STX16: variants seen among roughly 807,000 people sequenced by gnomAD.
STX16 encodes syntaxin 16, also known as syntaxin-16.
Under a neutral mutation model 42.7 loss-of-function variants are expected in STX16, and 28 were observed. That is an observed-to-expected ratio of 0.66 (90% CI 0.49 to 0.90). The LOEUF is 0.90. Among genes scored for constraint, STX16 ranks in the 40% least tolerant of loss-of-function variants. STX16 has a pLI of 0.00. For synonymous variants in STX16, 156 were observed against 155.2 expected (o/e 1.00, Z -0.04); for missense variants, 361 against 420.9 (o/e 0.86, Z 1.24).
At chr20:58,666,431 T>G (rs1395048782) in intron 2 of STX16, among the ~76,000 whole-genome samples, 2 of 148,422 alleles carry the variant, frequency 1.3e-5, no homozygotes, top group South Asian at 4.3e-4. Context: ...GTGTTTTTTT[T>G]TTTTTTTTTT....
At chr20:58,663,377 C>G (rs1273518244) in intron 2 of STX16, among the ~76,000 whole-genome samples, 2 of 152,178 alleles carry the variant, frequency 1.3e-5, no homozygotes, top group Non-Finnish European at 2.9e-5. Context: ...GAGAACTTGT[C>G]CATACTGGCT....
At chr20:58,673,965 G>A (rs977047529) in intron 8 of STX16, among the ~76,000 whole-genome samples, 1 of 152,224 alleles carries the variant, frequency 6.6e-6, no homozygotes, top group Middle Eastern at 3.2e-3. Flanking sequence ...TTTTGTGACA[G>A]TAAATTCTAA....
In STX16 at chr20:58,673,636, A is replaced by T. The variant is rs747079217; in HGVS notation, c.798A>T (p.Thr266=). The T allele has an allele frequency of 1.5e-5, 24 of 1,610,722 alleles. No homozygotes were observed. In the East Asian group the frequency reaches 4.9e-4, roughly 33 times the overall value. ...DLGAMIVEQG[T]VLDRIDYNVE... ...AACTGTCATTTATTACCTAGGGTAC[A>T]GTCCTTGACAGAATTGACTATAACG... Residue 266 remains threonine (T), a synonymous_variant, in exon 8 of 9, where the codon ACA becomes ACT. Transcript: ENST00000371141.
Position 58,676,286 on chromosome 20 carries a change from C to T in STX16, c.973C>T (p.Arg325Ter), listed in dbSNP as rs543224760. Residue 325 changes from arginine (R) to a stop codon, truncating the protein, a stop_gained, in exon 9 of 9, where the codon CGA becomes TGA. Transcript: ENST00000371141. LOFTEE classifies it high-confidence loss of function. ...TGTTGTCCTCGTTGGCGTGAAGTCT[C>T]GATAAGTGGCATTGGGTTTTCGTGT... ...LIVVLVGVKS[R>*] 547 of 1,613,966 alleles carry T rather than the reference C, an allele frequency of 3.4e-4. 4 individuals carry two copies. The South Asian group carries it at 5.6e-3, about 16-fold the overall frequency.
intron 1 of STX16, among the ~76,000 whole-genome samples, chr20:58,658,898 A>G (rs1169651899): frequency 6.6e-6 from 1 of 152,206 alleles, no homozygotes; most frequent in African/African-American, 2.4e-5. Context: ...TTGCTTTTAT[A>G]AGAGCCTTAT....
chr20:58,652,343 TG>T (rs771565611), intron 1 of STX16: 8 of 652,168 alleles, frequency 1.2e-5, no homozygotes, highest in South Asian at 9.0e-5. Flanking sequence ...GCTCCACCTC[TG>T]CCCGGTCTTC....
chr20:58,674,970 T>C (rs2084068728), intron 8 of STX16, among the ~76,000 whole-genome samples: 1 of 152,252 alleles, frequency 6.6e-6, no homozygotes, highest in South Asian at 2.1e-4. Context: ...GGTTCTACTT[T>C]ATAAATCATT....
rs2084184522 is a variant in STX16, at chr20:58,678,305, T to C, written c.*2014T>C. 6.6e-6 allele frequency: 1 copy of C among 152,140 alleles called. No homozygotes were observed. Among genetic ancestry groups the C allele is most frequent in the Admixed American group, 6.5e-5 (1 of 15,272 alleles). The allele number at this position is 152,140 out of a possible 1,614,324, so 9.4% of individuals were successfully genotyped here. ...TTTCACCAAATAGGGTGATGAGGGT[T>C]GGTTTTTGTTCCCTCAACCCATTTG... On this transcript the variant is annotated 3_prime_UTR_variant, in exon 9 of 9. Transcript: ENST00000371141.
intron 2 of STX16, among the ~76,000 whole-genome samples, chr20:58,663,459 G>T (rs915927114): frequency 1.3e-5 from 2 of 152,164 alleles, no homozygotes; most frequent in Non-Finnish European, 2.9e-5. Context: ...AGTGAGACTG[G>T]CAGGAAAGCC....
Position 58,676,472 on chromosome 20 carries a change from G to C in STX16, c.*181G>C, listed in dbSNP as rs1385493997. On this transcript the variant is annotated 3_prime_UTR_variant, in exon 9 of 9. Coordinates refer to ENST00000371141, the MANE Select transcript of STX16 (RefSeq NM_001001433.3). ...GTCCTGCTCAAGCGGTCCGGGGAAT[G>C]GGTTTTTGTTTTTCCTTCATTGTTG... is the stretch of plus-strand genomic sequence containing the variant. 3.4e-6 allele frequency: 2 copies of C among 581,242 alleles called. No homozygotes were observed. Among genetic ancestry groups the C allele is most frequent in the Non-Finnish European group, 6.1e-6 (2 of 325,838 alleles). The allele number at this position is 581,242 out of a possible 1,614,324, so 36.0% of individuals were successfully genotyped here.
intron 1 of STX16, among the ~76,000 whole-genome samples, chr20:58,656,965 AGT>A (rs1346231960): frequency 6.6e-6 from 1 of 152,204 alleles, no homozygotes; most frequent in Non-Finnish European, 1.5e-5. Flanking sequence ...AAACTGGCCC[AGT>A]GTCACCCACC....
chr20:58,654,226 A>G (rs1488007695), intron 1 of STX16, among the ~76,000 whole-genome samples: 1 of 152,216 alleles, frequency 6.6e-6, no homozygotes, highest in African/African-American at 2.4e-5. Flanking sequence ...CAGATCATTG[A>G]AAGCAGTCAT....
At chr20:58,655,922 T>C (rs903810299) in intron 1 of STX16, among the ~76,000 whole-genome samples, 1 of 152,332 alleles carries the variant, frequency 6.6e-6, no homozygotes, top group African/African-American at 2.4e-5. Flanking sequence ...AACAGACAGG[T>C]TTGACTTTAT....
intron 7 of STX16, among the ~76,000 whole-genome samples, chr20:58,672,872 G>A (rs2084014217): frequency 6.6e-6 from 1 of 152,142 alleles, no homozygotes. Context: ...TTATTATCTT[G>A]CCAGCAGGGA....
intron 7 of STX16, among the ~76,000 whole-genome samples, chr20:58,672,191 T>C (rs921603375): frequency 2.0e-5 from 3 of 151,956 alleles, no homozygotes; most frequent in Non-Finnish European, 4.4e-5. Context: ...AAAAATTAGC[T>C]GGGCATGGTG....
chr20:58,677,906 G>T lies in STX16; in HGVS notation c.*1615G>T, dbSNP rs950051714. The T allele has an allele frequency of 1.3e-5, 2 of 152,232 alleles. No individual in the cohort carries two copies. The highest frequency in any genetic ancestry group is 2.9e-5 in the Non-Finnish European group (2 of 68,046). 9.4% of individuals were successfully genotyped at this position (152,232 alleles called of 1,614,324 possible). A position where few individuals can be genotyped will look rare whatever the true frequency, so the allele number is the denominator to read the frequency against. ...CCTATTACTGATGTGGCTGTGGAAT[G>T]ATAAGGTCCTAGAGGGGCCCTGGCA... is the stretch of plus-strand genomic sequence containing the variant. On this transcript the variant is annotated 3_prime_UTR_variant, in exon 9 of 9. Coordinates refer to ENST00000371141, the MANE Select transcript of STX16 (RefSeq NM_001001433.3).
chr20:58,667,474 CT>C lies in STX16; in HGVS notation c.145-13del. On this transcript the variant is annotated splice_polypyrimidine_tract_variant and intron_variant, in intron 2 of 8. Coordinates refer to ENST00000371141, the MANE Select transcript of STX16 (RefSeq NM_001001433.3). ...GATTAGAATAATTTTTTTCATGTCC[CT>C]TTACTTTCCTGTAGCTTGCTGATGA... 1.2e-6 allele frequency: 2 copies of C among 1,610,414 alleles called. No individual in the cohort carries two copies. The highest frequency in any genetic ancestry group is 2.2e-5 in the South Asian group (2 of 90,744).
In STX16 at chr20:58,676,356, G is replaced by T. The variant is rs1001494076; in HGVS notation, c.*65G>T. 2.1e-6 allele frequency: 3 copies of T among 1,435,386 alleles called. No homozygotes were observed. Among genetic ancestry groups the T allele is most frequent in the Non-Finnish European group, 2.9e-6 (3 of 1,019,076 alleles). The allele number at this position is 1,435,386 out of a possible 1,614,324, so 88.9% of individuals were successfully genotyped here. On this transcript the variant is annotated 3_prime_UTR_variant, in exon 9 of 9. Coordinates refer to ENST00000371141, the MANE Select transcript of STX16 (RefSeq NM_001001433.3). ...CCCGGGTGTGAGGGGCTTGGCCTGC[G>T]CCCCGCCAGCTGCCCGCAGAGGTGC...
chr20:58,666,675 C>G (rs1306603857), intron 2 of STX16, among the ~76,000 whole-genome samples: 2 of 152,112 alleles, frequency 1.3e-5, no homozygotes, highest in East Asian at 3.9e-4. Context: ...ATGATCTGCC[C>G]GCCTTGGCCT....
Sources: gnomAD v4.1 joint callset for allele counts (sites outside exome capture counted in the v4.1 genomes callset) on GRCh38, gnomAD v4.1.1 for gene constraint, MANE v1.5 for transcripts, NCBI Gene and HGNC (gene_info 2026-07-23, HGNC 2026-07-21) for gene names.